Variants in MMP16 observed in about 807,000 individuals in gnomAD.
MMP16 encodes the protein matrix metalloproteinase-16.
MMP16 carries 12 observed loss-of-function variants against 67.8 expected under a neutral mutation model. The ratio of observed to expected loss-of-function variants is 0.18; its 90% CI spans 0.11 to 0.29. The LOEUF (loss-of-function observed/expected upper bound fraction) is 0.29. Ranked by LOEUF, MMP16 falls within the 10% of genes least tolerant of loss-of-function variation. MMP16 has a pLI of 1.00. For missense variants in MMP16, 475 were observed against 765.7 expected (o/e 0.62, Z 4.48); for synonymous variants, 249 against 255.9 (o/e 0.97, Z 0.26).
chr8:88,254,894 C>A (rs1458679560), intron 1 of MMP16, among the ~76,000 whole-genome samples: 1 of 152,086 alleles, frequency 6.6e-6, no homozygotes, highest in Admixed American at 6.6e-5. Context: ...GACAAATGTG[C>A]TACATCACTA....
At chr8:88,263,577 G>A (rs563725780) in intron 1 of MMP16, among the ~76,000 whole-genome samples, 29 of 152,092 alleles carry the variant, frequency 1.9e-4, no homozygotes, top group Non-Finnish European at 3.4e-4. Flanking sequence ...TTTGACAGCC[G>A]CAAGGAAAGC....
chr8:88,087,059 A>G (rs180751812), intron 6 of MMP16, among the ~76,000 whole-genome samples: 1 of 152,016 alleles, frequency 6.6e-6, no homozygotes, highest in East Asian at 1.9e-4. Context: ...GTCTTCACAG[A>G]AATTCTTAGG....
intron 1 of MMP16, among the ~76,000 whole-genome samples, chr8:88,268,023 T>C (rs890578232): frequency 6.6e-6 from 1 of 152,146 alleles, no homozygotes; most frequent in Non-Finnish European, 1.5e-5. Flanking sequence ...TGTACTGGGA[T>C]CTCCAGAGAA....
At chr8:88,249,251 T>G (rs1810168891) in intron 1 of MMP16, among the ~76,000 whole-genome samples, 1 of 151,800 alleles carries the variant, frequency 6.6e-6, no homozygotes, top group African/African-American at 2.4e-5. Flanking sequence ...AGAGGGAAGT[T>G]TAAGAGAAAA....
intron 1 of MMP16, among the ~76,000 whole-genome samples, chr8:88,257,696 G>T (rs951805069): frequency 6.6e-6 from 1 of 152,166 alleles, no homozygotes; most frequent in Non-Finnish European, 1.5e-5. Flanking sequence ...TAAACACTAT[G>T]CATTGAACAA....
intron 2 of MMP16, among the ~76,000 whole-genome samples, chr8:88,188,458 C>G (rs1809113877): frequency 6.6e-6 from 1 of 151,918 alleles, no homozygotes; most frequent in Non-Finnish European, 1.5e-5. Flanking sequence ...TGAAAAAAAC[C>G]TGAAATGGAT....
At chr8:88,204,781 A>G (rs942061894) in intron 1 of MMP16, among the ~76,000 whole-genome samples, 4 of 152,188 alleles carry the variant, frequency 2.6e-5, no homozygotes, top group African/African-American at 9.7e-5. Context: ...AATTCTCTCC[A>G]ATGTGCCACA....
chr8:88,146,521 C>T (rs1219058445), intron 4 of MMP16, among the ~76,000 whole-genome samples: 2 of 151,884 alleles, frequency 1.3e-5, no homozygotes, highest in Non-Finnish European at 2.9e-5. Flanking sequence ...AAAATGTCAT[C>T]ATATTGTATC....
At chr8:88,119,191 G>A (rs780061098) in intron 4 of MMP16, among the ~76,000 whole-genome samples, 6 of 151,930 alleles carry the variant, frequency 3.9e-5, no homozygotes, top group African/African-American at 4.8e-5. Context: ...AACACATAAC[G>A]TGAAACATCT....
intron 6 of MMP16, among the ~76,000 whole-genome samples, chr8:88,080,724 C>G (rs1405453639): frequency 1.3e-5 from 2 of 152,142 alleles, no homozygotes; most frequent in African/African-American, 4.8e-5. Flanking sequence ...GCGTGAGCCA[C>G]CGCGCCTGGC....
At position 88,107,420 on chromosome 8, in the gene MMP16, T is replaced by G. The variant is rs190402926; in HGVS notation, c.1083+9087A>C. ...AGTAATTTTTTACAATACTGTATAT[T>G]TCATTCAAATACATGGAAATTCTTT... On this transcript the variant is annotated intron_variant, in intron 6 of 9. Transcript: ENST00000286614. Among the ~76,000 whole-genome samples the G allele has an allele frequency of 2.5e-3, 384 of 151,186 alleles. 3 individuals carry two copies. Among genetic ancestry groups the G allele is most frequent in the African/African-American group, 8.6e-3 (355 of 41,484 alleles).
chr8:88,197,148 C>G lies in MMP16; in HGVS notation c.281+10G>C. ...ACCAAAAAGAAAGGAGGATGGGAGC[C>G]ATTACTTACTCAATTGTGTTTCTGT... is the stretch of plus-strand genomic sequence containing the variant. On this transcript the variant is annotated intron_variant, in intron 2 of 9. Transcript: ENST00000286614. The G allele has an allele frequency of 2.5e-6, 4 of 1,606,788 alleles. No homozygotes were observed. Among genetic ancestry groups the G allele is most frequent in the Non-Finnish European group, 3.4e-6 (4 of 1,177,960 alleles).
chr8:88,122,533 AATAT>A (rs1385265507), intron 4 of MMP16, among the ~76,000 whole-genome samples: 3 of 151,958 alleles, frequency 2.0e-5, no homozygotes, highest in Non-Finnish European at 4.4e-5. Context: ...TCTAATTTTA[AATAT>A]ATAAATACTT....
At chr8:88,230,475 AC>A (rs1809840208) in intron 1 of MMP16, among the ~76,000 whole-genome samples, 1 of 152,002 alleles carries the variant, frequency 6.6e-6, no homozygotes, top group African/African-American at 2.4e-5. Flanking sequence ...AGTACAGATA[AC>A]ATAGACTGAG....
At chr8:88,096,457 T>A (rs1432053554) in intron 6 of MMP16, among the ~76,000 whole-genome samples, 1 of 152,010 alleles carries the variant, frequency 6.6e-6, no homozygotes, top group Non-Finnish European at 1.5e-5. Context: ...TGGCATTATT[T>A]TGAACAAAGT....
At chr8:88,111,964 T>C (rs1337270383) in intron 6 of MMP16, among the ~76,000 whole-genome samples, 1 of 151,816 alleles carries the variant, frequency 6.6e-6, no homozygotes, top group Non-Finnish European at 1.5e-5. Flanking sequence ...AAATGATATC[T>C]GCTTTGGCTT....
intron 1 of MMP16, among the ~76,000 whole-genome samples, chr8:88,274,226 A>T (rs1054935076): frequency 2.0e-5 from 3 of 152,110 alleles, no homozygotes; most frequent in African/African-American, 7.2e-5. Flanking sequence ...GGATATATGT[A>T]TAGCTGAATT....
At chr8:88,113,130 G>T (rs752449369) in intron 6 of MMP16, among the ~76,000 whole-genome samples, 1 of 151,796 alleles carries the variant, frequency 6.6e-6, no homozygotes, top group African/African-American at 2.4e-5. Flanking sequence ...TGAAGGTCAC[G>T]TGAACCACCT....
chr8:88,327,253 C>G lies in MMP16; in HGVS notation c.-47G>C, dbSNP rs1370128274. 8.1e-6 allele frequency: 13 copies of G among 1,610,752 alleles called. No individual in the cohort carries two copies. The highest frequency in any genetic ancestry group is 1.1e-5 in the Non-Finnish European group (13 of 1,177,886). ...TGGACGAGCTCCCCTTCGTTTTCTC[C>G]CTCTCTCCCTCTCCCTCCCTCCCTC... On this transcript the variant is annotated 5_prime_UTR_variant, in exon 1 of 10. Coordinates refer to ENST00000286614, the MANE Select transcript of MMP16 (RefSeq NM_005941.5).
Sources: gnomAD v4.1 joint callset for allele counts (sites outside exome capture counted in the v4.1 genomes callset) on GRCh38, gnomAD v4.1.1 for gene constraint, MANE v1.5 for transcripts, NCBI Gene and HGNC (gene_info 2026-07-23, HGNC 2026-07-21) for gene names.